Variants in CDH4 observed in about 807,000 individuals in gnomAD.
CDH4 encodes the protein cadherin-4.
A neutral mutation model predicts 86.0 loss-of-function variants in CDH4; 33 were observed. The ratio of observed to expected loss-of-function variants is 0.38; its 90% confidence interval spans 0.29 to 0.51. The LOEUF (loss-of-function observed/expected upper bound fraction) is 0.51. CDH4 is among the 20% of genes least tolerant of loss of function. The probability of loss-of-function intolerance (pLI) is 0.86; values close to 1 mark genes in which losing one functional copy is unlikely to be tolerated. For missense variants in CDH4, 1,114 were observed against 1,307.4 expected (o/e 0.85, Z 2.28); for synonymous variants, 555 against 549.4 (o/e 1.01, Z -0.14).
chr20:61,603,905 T>A (rs1432953172), intron 2 of CDH4, among the ~76,000 whole-genome samples: 1 of 152,170 alleles, frequency 6.6e-6, no homozygotes, highest in African/African-American at 2.4e-5. Context: ...AGTGTTCATA[T>A]ACACATGTGG....
chr20:61,890,727 T>C (rs1984784392), intron 7 of CDH4, among the ~76,000 whole-genome samples: 1 of 152,156 alleles, frequency 6.6e-6, no homozygotes, highest in Non-Finnish European at 1.5e-5. Context: ...AAGTGTAAGC[T>C]ATTTCTGGTT....
In CDH4 at chr20:61,829,063, A is replaced by G. The variant is rs796458162; in HGVS notation, c.577-15605A>G. Among the ~76,000 whole-genome samples, 16 of 152,286 alleles carry G rather than the reference A, an allele frequency of 1.1e-4. No individual in the cohort carries two copies. The highest frequency in any genetic ancestry group is 3.8e-4 in the African/African-American group (16 of 41,564). On this transcript the variant is annotated intron_variant, in intron 4 of 15. Transcript: ENST00000614565. The surrounding 1 kb of genome is among the most constrained non-coding windows in gnomAD (Gnocchi z 4.2). The stretch of plus-strand genomic sequence containing the variant: ...CGGAGCACTGGAGGCTCTGGCAGTC[A>G]TGCTCGCCCGGCCACCACTCACCTC...
intron 4 of CDH4, among the ~76,000 whole-genome samples, chr20:61,812,627 G>A (rs1980497301): frequency 6.6e-6 from 1 of 152,306 alleles, no homozygotes; most frequent in Non-Finnish European, 1.5e-5. Context: ...CCCCTGGTAT[G>A]TAATTTAGTC....
rs1218515335 is a variant in CDH4, at chr20:61,829,296, A to G, written c.577-15372A>G. On this transcript the variant is annotated intron_variant, in intron 4 of 15. Coordinates refer to ENST00000614565, the MANE Select transcript of CDH4 (RefSeq NM_001794.5). The surrounding 1 kb of genome is among the most constrained non-coding windows in gnomAD (Gnocchi z 4.2). ...TGTCCGGCTTCTTTCGCTGAGCATAATGTTTTCAAGGTTCAGCCATGCTGC... is the reference window on the plus strand; with the variant it reads ...TGTCCGGCTTCTTTCGCTGAGCATAGTGTTTTCAAGGTTCAGCCATGCTGC... 1.3e-5 allele frequency among the ~76,000 whole-genome samples: 2 copies of G among 152,222 alleles called. No individual in the cohort carries two copies. The highest frequency in any genetic ancestry group is 2.4e-5 in the African/African-American group (1 of 41,452).
intron 2 of CDH4, among the ~76,000 whole-genome samples, chr20:61,561,678 T>C (rs761402022): frequency 6.6e-6 from 1 of 152,236 alleles, no homozygotes; most frequent in Non-Finnish European, 1.5e-5. Context: ...TGCCTGTTTG[T>C]TGGCATCCTA....
chr20:61,829,713 G>C lies in CDH4; in HGVS notation c.577-14955G>C, dbSNP rs192194054. Among the ~76,000 whole-genome samples the C allele has an allele frequency of 6.6e-6, 1 of 152,160 alleles. No individual in the cohort carries two copies. The highest frequency in any genetic ancestry group is 2.4e-5 in the African/African-American group (1 of 41,432). Reference sequence around the variant, plus strand: ...GCCCCCAGGAGGCTCCCTCTGTGCCGACGCCCGTGGGCTGCAGACGGGTGG... The same window carrying C: ...GCCCCCAGGAGGCTCCCTCTGTGCCCACGCCCGTGGGCTGCAGACGGGTGG... On this transcript the variant is annotated intron_variant, in intron 4 of 15. Transcript: ENST00000614565. This position sits in a 1 kb window ranked among gnomAD's most constrained non-coding sequence, Gnocchi z 4.2.
intron 1 of CDH4, 100 bp from the exon 2 acceptor site, chr20:61,254,726 C>T: frequency 1.2e-6 from 1 of 806,852 alleles, no homozygotes; most frequent in Non-Finnish European, 2.2e-6. Context: ...GCCTTTCTCT[C>T]TTAGCCAGAG....
At chr20:61,673,540 G>T (rs976120131) in intron 2 of CDH4, among the ~76,000 whole-genome samples, 1 of 152,212 alleles carries the variant, frequency 6.6e-6, no homozygotes, top group South Asian at 2.1e-4. Flanking sequence ...CTGATATTCC[G>T]TGGGAGCAGC....
intron 2 of CDH4, chr20:61,719,630 C>A: frequency 6.2e-6 from 1 of 160,016 alleles, no homozygotes; most frequent in South Asian, 1.8e-4. Flanking sequence ...CTGTGCTCAC[C>A]TGCAAAGCTG....
intron 2 of CDH4, among the ~76,000 whole-genome samples, chr20:61,469,280 T>G (rs1019277185): frequency 1.3e-5 from 2 of 152,242 alleles, no homozygotes; most frequent in Non-Finnish European, 2.9e-5. Context: ...TATCTCATTG[T>G]AGTTTAGATT....
chr20:61,330,655 T>TA (rs2084567790), intron 2 of CDH4, among the ~76,000 whole-genome samples: 1 of 152,196 alleles, frequency 6.6e-6, no homozygotes, highest in Non-Finnish European at 1.5e-5. Flanking sequence ...ACCGACATGC[T>TA]ACAGCAGGAT....
chr20:61,743,879 C>A, intron 3 of CDH4, 90 bp downstream of exon 3: 1 of 950,028 alleles, frequency 1.1e-6, no homozygotes, highest in Non-Finnish European at 1.6e-6. Flanking sequence ...AGGGCTCCCA[C>A]AGGACAGACA....
At chr20:61,639,181 T>C (rs2099545220) in intron 2 of CDH4, among the ~76,000 whole-genome samples, 1 of 152,194 alleles carries the variant, frequency 6.6e-6, no homozygotes. Flanking sequence ...GAATTGAAAA[T>C]GTAGCACAGC....
intron 3 of CDH4, among the ~76,000 whole-genome samples, chr20:61,757,239 C>T (rs1225417256): frequency 6.6e-6 from 1 of 152,120 alleles, no homozygotes; most frequent in Non-Finnish European, 1.5e-5. Flanking sequence ...ACAGACCCCC[C>T]CCCCAGCCCC....
intron 2 of CDH4, among the ~76,000 whole-genome samples, chr20:61,530,966 A>G (rs191126001): frequency 1.2e-4 from 18 of 152,198 alleles, no homozygotes; most frequent in African/African-American, 3.4e-4. Context: ...ATCTATGCCA[A>G]TAGTTCATCT....
At chr20:61,888,578 G>C (rs184555116) in intron 7 of CDH4, among the ~76,000 whole-genome samples, 2 of 152,268 alleles carry the variant, frequency 1.3e-5, no homozygotes, top group Non-Finnish European at 2.9e-5. Context: ...CAGGCCCAGC[G>C]AATGTCTGGA....
In CDH4 at chr20:61,793,503, G is replaced by A. The variant is rs538941408; in HGVS notation, c.576+20321G>A. Among the ~76,000 whole-genome samples the A allele has an allele frequency of 5.8e-4, 88 of 152,224 alleles. No individual in the cohort carries two copies. The Middle Eastern group carries it at 0.02, about 35-fold the overall frequency. On this transcript the variant is annotated intron_variant, in intron 4 of 15. Transcript: ENST00000614565. ...CTCTGGGACCCATAAAGCGGCCCCC[G>A]AGGTCAGGGTGCTCCCTGGACAGTC...
In CDH4 at chr20:61,434,466, G is replaced by A. The variant is rs530474869; in HGVS notation, c.169+179529G>A. On this transcript the variant is annotated intron_variant, in intron 2 of 15. Transcript: ENST00000614565. ...ATGAGATAGATTGCACGTTCACCGCGGCGCTCAAAGAAACCAGATCGGGTT... is the reference window on the plus strand; with the variant it reads ...ATGAGATAGATTGCACGTTCACCGCAGCGCTCAAAGAAACCAGATCGGGTT... 1.9e-3 allele frequency among the ~76,000 whole-genome samples: 291 copies of A among 152,212 alleles called. 1 individual carries two copies. Among genetic ancestry groups the A allele is most frequent in the African/African-American group, 6.6e-3 (273 of 41,524 alleles).
At chr20:61,383,793 A>G (rs764219887) in intron 2 of CDH4, among the ~76,000 whole-genome samples, 31,271 of 100,158 alleles carry the variant, frequency 0.31, 4,583 homozygotes, top group African/African-American at 0.4. Context: ...ATGAAGATAT[A>G]TATGCATATA....
Sources: allele counts gnomAD v4.1 joint callset (sites outside exome capture counted in the v4.1 genomes callset), GRCh38; gene constraint gnomAD v4.1.1; non-coding constraint Gnocchi (gnomAD v3.1); transcripts MANE v1.5; gene names NCBI Gene and HGNC (gene_info 2026-07-23, HGNC 2026-07-21).